KCNN2: variants seen among roughly 807,000 people sequenced by gnomAD.
KCNN2 encodes the protein small conductance calcium-activated potassium channel protein 2.
KCNN2 carries 24 observed loss-of-function variants against 55.5 expected under a neutral mutation model. The observed-to-expected ratio is 0.43, with a 90% confidence interval of 0.31 to 0.61. The LOEUF (loss-of-function observed/expected upper bound fraction) is 0.61, where lower values mean the gene tolerates loss of function less well. KCNN2 is among the 20% of genes least tolerant of loss of function. The probability of loss-of-function intolerance (pLI) is 0.08; values close to 1 mark genes in which losing one functional copy is unlikely to be tolerated. For synonymous variants in KCNN2, 431 were observed against 336.1 expected, an observed-to-expected ratio of 1.28 and a Z score of -3.09; for missense variants, 754 against 853.6, an observed-to-expected ratio of 0.88 and a Z score of 1.45.
intron 4 of KCNN2, among the ~76,000 whole-genome samples, chr5:114,464,809 T>TAA (rs36172859): frequency 2.7e-4 from 35 of 129,988 alleles, no homozygotes; most frequent in African/African-American, 9.2e-4. Context: ...TAGTGAACTT[T>TAA]AAAAAAAAAA....
At chr5:114,115,857 C>A (rs1215263795) in intron 1 of KCNN2, among the ~76,000 whole-genome samples, 1 of 151,982 alleles carries the variant, frequency 6.6e-6, no homozygotes, top group Non-Finnish European at 1.5e-5. Context: ...TTGGCGATAA[C>A]TCCTTGGTTT....
intron 2 of KCNN2, among the ~76,000 whole-genome samples, chr5:114,254,576 G>T (rs912739433): frequency 6.6e-6 from 1 of 152,076 alleles, no homozygotes; most frequent in Admixed American, 6.6e-5. Flanking sequence ...CTGCAGAATA[G>T]GACTTATAAA....
chr5:114,322,076 C>A (rs769643618), intron 2 of KCNN2, among the ~76,000 whole-genome samples: 7 of 152,314 alleles, frequency 4.6e-5, no homozygotes, highest in Non-Finnish European at 8.8e-5. Flanking sequence ...ACTGGAAGTT[C>A]TCTCCAATAT....
intron 1 of KCNN2, among the ~76,000 whole-genome samples, chr5:114,160,271 C>T (rs954748230): frequency 3.9e-5 from 6 of 152,174 alleles, no homozygotes; most frequent in African/African-American, 9.7e-5. Context: ...ACGCCATAGT[C>T]GTTCAGGAGC....
intron 1 of KCNN2, among the ~76,000 whole-genome samples, chr5:114,148,460 C>T (rs1002257206): frequency 3.3e-5 from 5 of 152,032 alleles, no homozygotes; most frequent in Admixed American, 3.3e-4. Context: ...AAATTGGCCA[C>T]TGCTCTACCC....
intron 1 of KCNN2, among the ~76,000 whole-genome samples, chr5:114,195,269 C>G (rs897950724): frequency 6.7e-6 from 1 of 149,956 alleles, no homozygotes; most frequent in Non-Finnish European, 1.5e-5. Context: ...CTTTGTAAAT[C>G]GATTTGAGTA....
At chr5:114,224,489 T>C (rs138041865) in intron 2 of KCNN2, among the ~76,000 whole-genome samples, 1 of 152,372 alleles carries the variant, frequency 6.6e-6, no homozygotes, top group African/African-American at 2.4e-5. Flanking sequence ...TAAATCTTAA[T>C]TATGTAATGA....
rs140197129 is a variant in KCNN2, at chr5:114,409,817, C to T, written c.1637+4961C>T. Among the ~76,000 whole-genome samples the T allele has an allele frequency of 5.9e-5, 9 of 152,214 alleles. No homozygotes were observed. In the South Asian group the frequency reaches 1.2e-3, roughly 21 times the overall value. ...CATTTATTCCTTGTGGTATTATTTT[C>T]CCTGGCATATCATGTGCCTCTGAAA... On this transcript the variant is annotated intron_variant, in intron 3 of 7. Transcript: ENST00000673685.
Position 114,084,752 on chromosome 5 carries a change from C to T in KCNN2, c.-271+28252C>T, listed in dbSNP as rs78390091. Among the ~76,000 whole-genome samples, 1,053 of 151,898 alleles carry T rather than the reference C, an allele frequency of 6.9e-3. 18 individuals are homozygous for T. Among genetic ancestry groups the T allele is most frequent in the African/African-American group, 0.025 (1,026 of 41,482 alleles). On this transcript the variant is annotated intron_variant, in intron 1 of 10. Transcript: ENST00000512097. ...AAGTCATCACAGAACACAAGGCCAC[C>T]TAGATTTTCTTCTATGTTTTCTTTG...
chr5:114,135,666 A>G (rs1022499147), intron 1 of KCNN2, among the ~76,000 whole-genome samples: 8 of 152,238 alleles, frequency 5.3e-5, no homozygotes, highest in African/African-American at 1.9e-4. Context: ...ATGTGAGCAG[A>G]TAGGCAATAG....
At chr5:114,367,963 T>A (rs963976430) in intron 2 of KCNN2, among the ~76,000 whole-genome samples, 7 of 152,174 alleles carry the variant, frequency 4.6e-5, no homozygotes, top group Admixed American at 3.9e-4. Flanking sequence ...TACTTTGAAT[T>A]GGAAAACATT....
intron 1 of KCNN2, among the ~76,000 whole-genome samples, chr5:114,176,268 T>C (rs1467944348): frequency 6.6e-6 from 1 of 152,152 alleles, no homozygotes; most frequent in Non-Finnish European, 1.5e-5. Flanking sequence ...GGAGGGAAAA[T>C]TGATCCTGGT....
In KCNN2 at chr5:114,262,203, T is replaced by C. The variant is rs576952275; in HGVS notation, c.-185+40638T>C. On this transcript the variant is annotated intron_variant, in intron 2 of 10. Coordinates refer to the KCNN2 transcript ENST00000512097. Reference sequence around the variant, plus strand: ...GTTTTCCTGAGTCAGCCTTTTCTCATTGCAGCAATTTAAAAAGTTATCTTT... The same window carrying C: ...GTTTTCCTGAGTCAGCCTTTTCTCACTGCAGCAATTTAAAAAGTTATCTTT... 5.3e-5 allele frequency among the ~76,000 whole-genome samples: 8 copies of C among 152,344 alleles called. No homozygotes were observed. In the South Asian group the frequency reaches 1.0e-3, roughly 20 times the overall value.
At position 114,369,136 on chromosome 5, in the gene KCNN2, G is replaced by T. The variant is rs79023250; in HGVS notation, c.1218+5135G>T. Among the ~76,000 whole-genome samples the T allele has an allele frequency of 5.3e-3, 812 of 152,238 alleles. 7 individuals carry two copies. The highest frequency in any genetic ancestry group is 0.019 in the African/African-American group (773 of 41,546). Reference sequence around the variant, plus strand: ...TGCCCACTAGTCTTCTAGAAAGGCCGTCAGAGTTTATGTCTCTGCTTTCTC... The same window carrying T: ...TGCCCACTAGTCTTCTAGAAAGGCCTTCAGAGTTTATGTCTCTGCTTTCTC... On this transcript the variant is annotated intron_variant, in intron 2 of 7. Coordinates refer to ENST00000673685, the MANE Select transcript of KCNN2 (RefSeq NM_021614.4).
chr5:114,459,042 C>T (rs1053337768), intron 3 of KCNN2, among the ~76,000 whole-genome samples: 34 of 152,260 alleles, frequency 2.2e-4, no homozygotes, highest in African/African-American at 7.5e-4. Flanking sequence ...CTTTGACACA[C>T]GTTATAGAAA....
intron 1 of KCNN2, among the ~76,000 whole-genome samples, chr5:114,191,569 T>TCAAA (rs1314270067): frequency 1.3e-5 from 2 of 152,034 alleles, no homozygotes. Context: ...CATTTACAAA[T>TCAAA]CAAACAGAGA....
chr5:114,380,456 G>C (rs935225581), intron 2 of KCNN2, among the ~76,000 whole-genome samples: 30 of 152,098 alleles, frequency 2.0e-4, no homozygotes, highest in African/African-American at 7.0e-4. Context: ...AAAGAGAAAG[G>C]GATCGTGATT....
chr5:114,270,279 T>C (rs7737235), intron 2 of KCNN2, among the ~76,000 whole-genome samples: 130,873 of 152,232 alleles, frequency 0.86, 57,456 homozygotes, highest in East Asian at 0.94. Flanking sequence ...ATAAATAATA[T>C]ATTGAAAATA....
intron 2 of KCNN2, among the ~76,000 whole-genome samples, chr5:114,301,294 A>C (rs1036873346): frequency 6.6e-6 from 1 of 152,128 alleles, no homozygotes; most frequent in Non-Finnish European, 1.5e-5. Flanking sequence ...TTATCTCACT[A>C]TGTCTTGTGA....
Sources: gnomAD v4.1 joint callset for allele counts (sites outside exome capture counted in the v4.1 genomes callset) on GRCh38, gnomAD v4.1.1 for gene constraint, MANE v1.5 for transcripts, NCBI Gene and HGNC (gene_info 2026-07-23, HGNC 2026-07-21) for gene names.